TULP4: variants seen among roughly 807,000 people sequenced by gnomAD.
TULP4 encodes TUB like protein 4, also known as tubby-related protein 4.
Under a neutral mutation model 129.0 loss-of-function variants are expected in TULP4, and 16 were observed. That is an observed-to-expected ratio of 0.12 (90% CI 0.08 to 0.19). The LOEUF (loss-of-function observed/expected upper bound fraction) is 0.19, where lower values mean the gene tolerates loss of function less well. TULP4 is among the 10% of genes least tolerant of loss of function. TULP4 has a pLI of 1.00. For missense variants in TULP4, 1,842 were observed against 2,059.1 expected, an observed-to-expected ratio of 0.89 and a Z score of 2.04; for synonymous variants, 998 against 854.0, an observed-to-expected ratio of 1.17 and a Z score of -2.94.
intron 1 of TULP4, among the ~76,000 whole-genome samples, chr6:158,388,475 G>A (rs565173260): frequency 2.0e-5 from 3 of 151,462 alleles, no homozygotes; most frequent in Admixed American, 1.3e-4. Flanking sequence ...GACTAGAGGC[G>A]CCCATCACAA....
At chr6:158,461,522 AG>A (rs1288535615) in intron 5 of TULP4, 40 bp from the exon 6 acceptor site, 1 of 1,585,218 alleles carries the variant, frequency 6.3e-7, no homozygotes, top group Admixed American at 1.8e-5. Flanking sequence ...CAGTTTGAGG[AG>A]GGCTGTGTCC....
chr6:158,427,592 C>T (rs1420538900), intron 2 of TULP4, among the ~76,000 whole-genome samples: 1 of 146,162 alleles, frequency 6.8e-6, no homozygotes, highest in Non-Finnish European at 1.5e-5. Flanking sequence ...CTCCCAGGTT[C>T]AAGCGATTCT....
chr6:158,480,917 C>A, intron 7 of TULP4, 138 bp from the exon 8 acceptor site: 1 of 698,680 alleles, frequency 1.4e-6, no homozygotes, highest in Non-Finnish European at 2.4e-6. Flanking sequence ...CATAGTTACC[C>A]TCTTCCCCAG....
intron 1 of TULP4, among the ~76,000 whole-genome samples, chr6:158,388,671 C>G (rs547888245): frequency 6.9e-5 from 10 of 145,486 alleles, no homozygotes; most frequent in Non-Finnish European, 1.5e-4. Context: ...AAAAAAAATG[C>G]CTGCATCATA....
chr6:158,355,796 A>C (rs1312388077), intron 1 of TULP4, among the ~76,000 whole-genome samples: 1 of 152,260 alleles, frequency 6.6e-6, no homozygotes, highest in Non-Finnish European at 1.5e-5. Context: ...TGAACAATAC[A>C]AACGAGAAAT....
At chr6:158,293,314 G>C (rs558154485) in intron 1 of TULP4, among the ~76,000 whole-genome samples, 1 of 152,220 alleles carries the variant, frequency 6.6e-6, no homozygotes, top group East Asian at 1.9e-4. Context: ...CCAAGTGGCT[G>C]GTGTTGACCT....
chr6:158,325,123 G>C (rs539902790), intron 1 of TULP4, among the ~76,000 whole-genome samples: 1 of 152,334 alleles, frequency 6.6e-6, no homozygotes, highest in Non-Finnish European at 1.5e-5. Flanking sequence ...AAATAGAATT[G>C]TCAAAAAATC....
In TULP4 at chr6:158,493,933, C is replaced by T. The variant is rs1402150045; in HGVS notation, c.1776+216C>T. Among the ~76,000 whole-genome samples, 2 of 152,126 alleles carry T rather than the reference C, an allele frequency of 1.3e-5. No individual in the cohort carries two copies. Among genetic ancestry groups the T allele is most frequent in the South Asian group, 2.1e-4 (1 of 4,832 alleles). The stretch of plus-strand genomic sequence containing the variant: ...TCAGCCAGTTCTGATCTTGCAGTGA[C>T]GGTGGGAGAGAACCTCCCACTTCCC... On this transcript the variant is annotated intron_variant, in intron 10 of 13. Transcript: ENST00000367097. This position sits in a 1 kb window ranked among gnomAD's most constrained non-coding sequence, Gnocchi z 4.4.
rs187345154 is a variant in TULP4, at chr6:158,291,559, T to G, written n.116+9181T>G. Among the ~76,000 whole-genome samples the G allele has an allele frequency of 1.6e-3, 237 of 152,224 alleles. 2 individuals carry two copies. Among genetic ancestry groups the G allele is most frequent in the African/African-American group, 5.1e-3 (212 of 41,504 alleles). ...CCTGCGTGGCATATATTGTGCTGCT[T>G]CTTGTGTCTGTGCATTTTTTTTTAT... On this transcript the variant is annotated intron_variant and non_coding_transcript_variant, in intron 1 of 1. Transcript: ENST00000432358.
chr6:158,486,111 G>A (rs139697203), intron 8 of TULP4, among the ~76,000 whole-genome samples: 12 of 152,270 alleles, frequency 7.9e-5, no homozygotes, highest in African/African-American at 2.6e-4. Flanking sequence ...TCTGAGAGTG[G>A]CCAGGAGTCC....
At chr6:158,253,414 G>A (rs1778181644) in intron 1 of TULP4, among the ~76,000 whole-genome samples, 1 of 152,186 alleles carries the variant, frequency 6.6e-6, no homozygotes, top group Non-Finnish European at 1.5e-5. Context: ...TGCCGTAAGT[G>A]GAGACAGATG....
intron 3 of TULP4, among the ~76,000 whole-genome samples, chr6:158,431,952 G>A (rs1390108277): frequency 1.3e-5 from 2 of 151,938 alleles, no homozygotes; most frequent in Non-Finnish European, 2.9e-5. Flanking sequence ...TTTTGTTCTA[G>A]GAAAGCGCCC....
chr6:158,420,141 G>A (rs1397596612), intron 2 of TULP4, among the ~76,000 whole-genome samples: 4 of 152,126 alleles, frequency 2.6e-5, no homozygotes, highest in Non-Finnish European at 5.9e-5. Flanking sequence ...ATAACAAGAG[G>A]AAAATCAGAT....
At position 158,502,290 on chromosome 6, in the gene TULP4, C is replaced by T; in HGVS notation, c.2627C>T (p.Ser876Leu). 1.9e-6 allele frequency: 3 copies of T among 1,613,008 alleles called. No individual in the cohort carries two copies. Among genetic ancestry groups the T allele is most frequent in the South Asian group, 2.2e-5 (2 of 91,028 alleles). ...KKGDFSLYPT[S>L]VHYQTPLGYE... ...GGCGACTTCTCCCTCTACCCCACGT[C>T]AGTGCACTACCAGACCCCCCTGGGC... The change falls in exon 13 of 14, where the codon TCA (serine) becomes TTA (leucine). Residue 876 changes from serine (S) to leucine (L), a missense_variant. Around this residue, in one of 5 missense-constraint regions of TULP4, gnomAD observed 1,089 missense variants for 987.1 expected, o/e 1.10. Transcript: ENST00000367097.
At chr6:158,457,828 G>T (rs1016156164) in intron 5 of TULP4, among the ~76,000 whole-genome samples, 7 of 152,114 alleles carry the variant, frequency 4.6e-5, no homozygotes, top group Non-Finnish European at 1.5e-5. Flanking sequence ...GATGCCATCT[G>T]CTCCTGTGGG....
At chr6:158,240,430 C>T (rs1484079151) in intron 1 of TULP4, among the ~76,000 whole-genome samples, 1 of 72,896 alleles carries the variant, frequency 1.4e-5, no homozygotes, top group Non-Finnish European at 3.0e-5. Context: ...CGGGCAGAGG[C>T]GCCCCTCACC....
chr6:158,431,595 G>A (rs542646187), intron 3 of TULP4, among the ~76,000 whole-genome samples: 1 of 152,190 alleles, frequency 6.6e-6, no homozygotes, highest in Admixed American at 6.5e-5. Context: ...ATCTGCTGCC[G>A]TGGCTTGGCA....
intron 1 of TULP4, among the ~76,000 whole-genome samples, chr6:158,369,225 G>C (rs1239653909): frequency 1.3e-5 from 2 of 152,166 alleles, no homozygotes; most frequent in Non-Finnish European, 2.9e-5. Flanking sequence ...GGGCTCAGTG[G>C]CTCACACCTA....
At chr6:158,393,059 C>A (rs1478796313) in intron 1 of TULP4, among the ~76,000 whole-genome samples, 1 of 151,670 alleles carries the variant, frequency 6.6e-6, no homozygotes, top group Non-Finnish European at 1.5e-5. Context: ...TGGGTAAATG[C>A]TCTTGATCCA....
Sources: gnomAD v4.1 joint callset for allele counts (sites outside exome capture counted in the v4.1 genomes callset) on GRCh38, gnomAD v4.1.1 for gene constraint, gnomAD v4.1.1 regional missense constraint, Gnocchi (gnomAD v3.1) non-coding constraint, MANE v1.5 for transcripts, NCBI Gene and HGNC (gene_info 2026-07-23, HGNC 2026-07-21) for gene names.